The following GON4L variants were observed in gnomAD, a reference collection of about 807,000 sequenced individuals.
The protein encoded by GON4L is GON-4-like protein.
Under a neutral mutation model 211.8 loss-of-function variants are expected in GON4L, and 87 were observed. The ratio of observed to expected loss-of-function variants is 0.41; its 90% CI spans 0.35 to 0.49. The LOEUF is 0.49. GON4L is among the 20% of genes least tolerant of loss of function. The pLI, the probability that GON4L is intolerant of heterozygous loss-of-function variation, is 0.15. For synonymous variants in GON4L, 875 were observed against 962.6 expected (o/e 0.91, Z 1.68); for missense variants, 2,155 against 2,659.5 (o/e 0.81, Z 4.17).
At chr1:155,785,450 T>A (rs1664845340) in intron 12 of GON4L, 76 bp from the exon 13 acceptor site, 1 of 958,524 alleles carries the variant, frequency 1.0e-6, no homozygotes. Flanking sequence ...GAAGACAATG[T>A]ATAATGTTTT....
At chr1:155,773,408 C>T (rs1196042002) in intron 17 of GON4L, 198 bp from the exon 18 acceptor site, 4 of 598,000 alleles carry the variant, frequency 6.7e-6, no homozygotes, top group Non-Finnish European at 1.2e-5. Flanking sequence ...CATTCAATGG[C>T]AATAAAAGTT....
intron 11 of GON4L, among the ~76,000 whole-genome samples, chr1:155,804,233 C>G (rs1214416076): frequency 4.0e-5 from 6 of 151,876 alleles, no homozygotes; most frequent in Non-Finnish European, 1.5e-5. Flanking sequence ...ATTAGCCAGG[C>G]AAGGTGGTGC....
chr1:155,755,503 G>C (rs544283344), intron 27 of GON4L, among the ~76,000 whole-genome samples: 1 of 151,856 alleles, frequency 6.6e-6, no homozygotes. Context: ...GAGCCACCAC[G>C]CCCGGACCCC....
intron 2 of GON4L, among the ~76,000 whole-genome samples, chr1:155,840,755 G>A (rs1190857265): frequency 6.6e-6 from 1 of 152,178 alleles, no homozygotes; most frequent in Non-Finnish European, 1.5e-5. Flanking sequence ...GCTTTAGGAC[G>A]GGCGCAGTTG....
intron 2 of GON4L, 54 bp downstream of exon 2, chr1:155,853,222 C>T: frequency 7.1e-7 from 1 of 1,414,170 alleles, no homozygotes; most frequent in South Asian, 1.2e-5. Context: ...CCAGAAATAG[C>T]AATGGCAAAG....
intron 2 of GON4L, among the ~76,000 whole-genome samples, chr1:155,836,013 G>A (rs978863786): frequency 2.0e-5 from 3 of 152,140 alleles, no homozygotes; most frequent in Non-Finnish European, 4.4e-5. Context: ...GGAGGCCAAG[G>A]CAGGTGGATT....
chr1:155,858,567 G>A (rs1223174406), upstream of GON4L, among the ~76,000 whole-genome samples: 1 of 150,086 alleles, frequency 6.7e-6, no homozygotes, highest in African/African-American at 2.5e-5. Flanking sequence ...TCTCTCATAC[G>A]AAACCCTAAG....
At chr1:155,821,416 G>A in intron 5 of GON4L, 58 bp downstream of exon 5, 1 of 1,061,446 alleles carries the variant, frequency 9.4e-7, no homozygotes, top group Non-Finnish European at 1.5e-6. Context: ...CCTACCCTTA[G>A]CCAGTTTAGA....
intron 2 of GON4L, among the ~76,000 whole-genome samples, chr1:155,832,136 G>C (rs1446999229): frequency 1.3e-5 from 2 of 151,546 alleles, no homozygotes; most frequent in South Asian, 2.1e-4. Flanking sequence ...TTAGCCAGGC[G>C]CAGTGGCACA....
At chr1:155,797,637 G>T (rs1666196012) in intron 11 of GON4L, among the ~76,000 whole-genome samples, 1 of 148,722 alleles carries the variant, frequency 6.7e-6, no homozygotes, top group South Asian at 2.2e-4. Context: ...TGAGGTCAGG[G>T]GTTCGAGACC....
intron 11 of GON4L, among the ~76,000 whole-genome samples, chr1:155,804,016 T>C (rs1427160581): frequency 6.6e-6 from 1 of 152,182 alleles, no homozygotes; most frequent in Non-Finnish European, 1.5e-5. Context: ...ATTCTTTCAC[T>C]TGCATCATGA....
intron 19 of GON4L, 61 bp downstream of exon 19, chr1:155,770,998 GAATAACAA>G (rs1306009042): frequency 3.1e-6 from 5 of 1,600,656 alleles, no homozygotes; most frequent in Admixed American, 1.7e-5. Flanking sequence ...TTTTCTTTGA[GAATAACAA>G]GATAAAAGAA....
downstream of GON4L, among the ~76,000 whole-genome samples, chr1:155,746,468 T>TC (rs1379488511): frequency 1.4e-5 from 1 of 72,652 alleles, no homozygotes; most frequent in East Asian, 3.5e-4. Context: ...CCAAGGTTTT[T>TC]CCCCCAACTA....
In GON4L at chr1:155,840,904, A is replaced by G. The variant is rs377310521; in HGVS notation, c.505+12372T>C. ...ACAAAAATTAGCTGGGCGTGGTAGTACATGCCTGTAATCCCAGCTACTCGG... is the reference window on the plus strand; with the variant it reads ...ACAAAAATTAGCTGGGCGTGGTAGTGCATGCCTGTAATCCCAGCTACTCGG... On this transcript the variant is annotated intron_variant, in intron 2 of 31. Coordinates refer to ENST00000368331, the MANE Select transcript of GON4L (RefSeq NM_001282860.2). Among the ~76,000 whole-genome samples, 16 of 152,234 alleles carry G rather than the reference A, an allele frequency of 1.1e-4. No homozygotes were observed. In the East Asian group the frequency reaches 2.3e-3, roughly 22 times the overall value.
At chr1:155,773,792 G>C (rs1209262222) in intron 17 of GON4L, among the ~76,000 whole-genome samples, 1 of 152,076 alleles carries the variant, frequency 6.6e-6, no homozygotes, top group African/African-American at 2.4e-5. Context: ...CATTTCTAGA[G>C]ACAAAACTAC....
chr1:155,775,175 T>C lies in GON4L; in HGVS notation c.2179-2A>G. The C allele has an allele frequency of 6.2e-7, 1 of 1,614,156 alleles. No individual in the cohort carries two copies. Among genetic ancestry groups the C allele is most frequent in the African/African-American group, 1.3e-5 (1 of 75,034 alleles). On this transcript the variant is annotated splice_acceptor_variant, in intron 16 of 31. Transcript: ENST00000368331. LOFTEE classifies it high-confidence loss of function. ...TTGAGCAAAGGTTCCCAGCTCTTTCTGGGAAAACAGGACACAAGAAAGATT... is the reference window on the plus strand; with the variant it reads ...TTGAGCAAAGGTTCCCAGCTCTTTCCGGGAAAACAGGACACAAGAAAGATT...
At position 155,853,351 on chromosome 1, in the gene GON4L, CT is replaced by C; in HGVS notation, c.429del (p.Glu144LysfsTer9). 6.2e-7 allele frequency: 1 copy of C among 1,614,120 alleles called. No individual in the cohort carries two copies. On this transcript the variant is annotated frameshift_variant, in exon 2 of 32. Coordinates refer to ENST00000368331, the MANE Select transcript of GON4L (RefSeq NM_001282860.2). LOFTEE classifies it high-confidence loss of function. ...AGGGTAAGATGATCACATCTGTCTT[CT>C]TGGGTAACTGGCCCAGGCCTGAGTG... is the stretch of plus-strand genomic sequence containing the variant. ...KMTLRPGPVT[Q>X]EDRCDHLTLK...
At chr1:155,811,156 G>T (rs1383383280) in intron 10 of GON4L, among the ~76,000 whole-genome samples, 1 of 151,990 alleles carries the variant, frequency 6.6e-6, no homozygotes, top group Non-Finnish European at 1.5e-5. Context: ...ATTTTGGGAG[G>T]CCGAGGCAAG....
intron 3 of GON4L, among the ~76,000 whole-genome samples, chr1:155,824,462 AG>A (rs1669004443): frequency 1.4e-5 from 2 of 143,796 alleles, no homozygotes. Flanking sequence ...AAAAAAAAAA[AG>A]GCTAGGCACG....
Sources: allele counts gnomAD v4.1 joint callset (sites outside exome capture counted in the v4.1 genomes callset), GRCh38; gene constraint gnomAD v4.1.1; transcripts MANE v1.5; gene names NCBI Gene and HGNC (gene_info 2026-07-23, HGNC 2026-07-21).